Variants in GRM5 observed in about 807,000 individuals in gnomAD.
GRM5 encodes the protein glutamate metabotropic receptor 5, also known as metabotropic glutamate receptor 5.
GRM5 carries 19 observed loss-of-function variants against 83.1 expected under a neutral mutation model. That is an observed-to-expected ratio of 0.23 (90% CI 0.16 to 0.34). The LOEUF (loss-of-function observed/expected upper bound fraction) is 0.34. Ranked by LOEUF, GRM5 falls within the 10% of genes least tolerant of loss-of-function variation. GRM5 has a pLI of 1.00. For missense variants in GRM5, 1,160 were observed against 1,588.3 expected (o/e 0.73, Z 4.58); for synonymous variants, 675 against 633.6 (o/e 1.07, Z -0.98).
At chr11:88,954,798 G>A (rs1003625373) in intron 2 of GRM5, among the ~76,000 whole-genome samples, 13 of 152,118 alleles carry the variant, frequency 8.5e-5, no homozygotes, top group African/African-American at 3.1e-4. Flanking sequence ...TGATAAAGTA[G>A]GCTGCTTGCT....
At chr11:88,636,499 C>G (rs1282677908) in intron 4 of GRM5, among the ~76,000 whole-genome samples, 1 of 151,548 alleles carries the variant, frequency 6.6e-6, no homozygotes, top group Non-Finnish European at 1.5e-5. Flanking sequence ...GCACTACAGC[C>G]TGGGTGACAG....
chr11:88,508,227 A>C lies in GRM5; in HGVS notation c.*365T>G, dbSNP rs1941232408. 1 of 166,226 alleles carries C rather than the reference A, an allele frequency of 6.0e-6. No homozygotes were observed. Among genetic ancestry groups the C allele is most frequent in the Admixed American group, 6.4e-5 (1 of 15,696 alleles). 10.3% of individuals were successfully genotyped at this position (166,226 alleles called of 1,614,324 possible). A position where few individuals can be genotyped will look rare whatever the true frequency, so the allele number is the denominator to read the frequency against. On this transcript the variant is annotated 3_prime_UTR_variant, in exon 10 of 10. Transcript: ENST00000305447. This position sits in a 1 kb window ranked among gnomAD's most constrained non-coding sequence, Gnocchi z 4.2. The stretch of plus-strand genomic sequence containing the variant: ...AAAGTAAACAAATAAAACTTTTTAC[A>C]GTTGCTTATTAACTATGCTCTTCAC...
intron 2 of GRM5, among the ~76,000 whole-genome samples, chr11:88,964,978 A>G (rs907098402): frequency 6.6e-6 from 1 of 152,188 alleles, no homozygotes; most frequent in African/African-American, 2.4e-5. Context: ...AAAAAGAACA[A>G]TAAAACAACA....
chr11:89,041,534 G>A (rs1317169155), intron 2 of GRM5, among the ~76,000 whole-genome samples: 3 of 152,166 alleles, frequency 2.0e-5, no homozygotes, highest in African/African-American at 7.2e-5. Flanking sequence ...ACCACATGTG[G>A]ATATGTCAGC....
intron 2 of GRM5, among the ~76,000 whole-genome samples, chr11:88,951,629 A>G (rs141323883): frequency 3.9e-5 from 6 of 152,346 alleles, no homozygotes; most frequent in African/African-American, 9.6e-5. Flanking sequence ...AATATTGTCT[A>G]TTTAACAGAG....
At chr11:88,774,324 G>A (rs983339182) in intron 3 of GRM5, among the ~76,000 whole-genome samples, 5 of 152,172 alleles carry the variant, frequency 3.3e-5, no homozygotes, top group Non-Finnish European at 5.9e-5. Flanking sequence ...TGCTGAAGTT[G>A]CTTATCAGCT....
intron 3 of GRM5, among the ~76,000 whole-genome samples, chr11:88,747,923 C>G (rs1161135768): frequency 6.6e-6 from 1 of 152,142 alleles, no homozygotes; most frequent in Non-Finnish European, 1.5e-5. Flanking sequence ...TGAGTGAATT[C>G]AGCACCTTCG....
intron 9 of GRM5, among the ~76,000 whole-genome samples, chr11:88,523,267 C>T (rs926077257): frequency 2.0e-5 from 3 of 152,100 alleles, no homozygotes; most frequent in African/African-American, 7.2e-5. Flanking sequence ...AGTTGTATTG[C>T]CCAATATTTT....
At chr11:88,653,510 C>G in intron 3 of GRM5, 107 bp from the exon 4 acceptor site, 2 of 682,490 alleles carry the variant, frequency 2.9e-6, no homozygotes, top group South Asian at 3.6e-5. Flanking sequence ...CTACCTCAGG[C>G]CCCATGATGG....
chr11:88,573,138 A>C (rs1006590995), intron 7 of GRM5, among the ~76,000 whole-genome samples: 2 of 152,100 alleles, frequency 1.3e-5, no homozygotes, highest in African/African-American at 4.8e-5. Flanking sequence ...CTCTTGTATA[A>C]TCCATCTTTT....
At chr11:88,770,765 G>A (rs745356502) in intron 3 of GRM5, among the ~76,000 whole-genome samples, 2 of 152,060 alleles carry the variant, frequency 1.3e-5, no homozygotes, top group Non-Finnish European at 2.9e-5. Flanking sequence ...CATTTTGGGG[G>A]CATCTAATGA....
At chr11:88,877,953 T>C (rs1944887500) in intron 2 of GRM5, among the ~76,000 whole-genome samples, 2 of 152,070 alleles carry the variant, frequency 1.3e-5, no homozygotes, top group African/African-American at 2.4e-5. Flanking sequence ...CATGTATACA[T>C]ATGTAACTAA....
At chr11:88,772,446 TATTC>T (rs1049937562) in intron 3 of GRM5, among the ~76,000 whole-genome samples, 1 of 152,002 alleles carries the variant, frequency 6.6e-6, no homozygotes, top group Non-Finnish European at 1.5e-5. Flanking sequence ...TATTTATTTT[TATTC>T]ATTTTTTATT....
intron 4 of GRM5, among the ~76,000 whole-genome samples, chr11:88,632,296 G>T (rs1938997181): frequency 7.0e-6 from 1 of 142,214 alleles, no homozygotes; most frequent in African/African-American, 2.6e-5. Flanking sequence ...ATCCTGGCTG[G>T]AGTGCAGTGG....
chr11:88,918,110 C>A (rs1270216276), intron 2 of GRM5, among the ~76,000 whole-genome samples: 1 of 151,618 alleles, frequency 6.6e-6, no homozygotes, highest in East Asian at 1.9e-4. Flanking sequence ...TACAAAGGAG[C>A]ACCAATACAT....
chr11:88,749,885 G>A (rs1230535571), intron 3 of GRM5, among the ~76,000 whole-genome samples: 2 of 152,062 alleles, frequency 1.3e-5, no homozygotes, highest in East Asian at 3.9e-4. Context: ...ACAAGCAAAT[G>A]CTGAGGGAAT....
intron 3 of GRM5, among the ~76,000 whole-genome samples, chr11:88,824,477 C>T (rs1943858970): frequency 8.5e-5 from 13 of 152,126 alleles, no homozygotes; most frequent in Admixed American, 8.5e-4. Context: ...GCACCAGGGA[C>T]CAGTTTCATG....
intron 2 of GRM5, among the ~76,000 whole-genome samples, chr11:89,001,462 T>A (rs1277239642): frequency 6.6e-6 from 1 of 152,112 alleles, no homozygotes; most frequent in Non-Finnish European, 1.5e-5. Flanking sequence ...GAAAGTCATA[T>A]TTGTATAGTT....
At chr11:88,965,284 G>A (rs114383736) in intron 2 of GRM5, among the ~76,000 whole-genome samples, 3,424 of 152,180 alleles carry the variant, frequency 0.022, 110 homozygotes, top group African/African-American at 0.077. Context: ...TCTGGTGAGA[G>A]GCCTCTTGCA....
Sources: allele counts gnomAD v4.1 joint callset (sites outside exome capture counted in the v4.1 genomes callset), GRCh38; gene constraint gnomAD v4.1.1; non-coding constraint Gnocchi (gnomAD v3.1); transcripts MANE v1.5; gene names NCBI Gene and HGNC (gene_info 2026-07-23, HGNC 2026-07-21).